SRP54: variants seen among roughly 807,000 people sequenced by gnomAD.
The protein encoded by SRP54 is signal recognition particle subunit SRP54.
A neutral mutation model predicts 64.8 loss-of-function variants in SRP54; 10 were observed. The observed-to-expected ratio is 0.15, with a 90% CI of 0.10 to 0.26. The LOEUF (loss-of-function observed/expected upper bound fraction) is 0.26. SRP54 is among the 10% of genes least tolerant of loss of function. The pLI is 1.00. For missense variants in SRP54, 325 were observed against 613.7 expected (o/e 0.53, Z 4.97); for synonymous variants, 193 against 185.6 (o/e 1.04, Z -0.32).
intron 1 of SRP54, among the ~76,000 whole-genome samples, chr14:34,983,442 A>G (rs2043840643): frequency 6.6e-6 from 1 of 152,242 alleles, no homozygotes; most frequent in African/African-American, 2.4e-5. Flanking sequence ...GAGCCAAATA[A>G]GATGTAGGCA....
At chr14:35,001,274 C>G (rs1240299431) in intron 4 of SRP54, among the ~76,000 whole-genome samples, 2 of 151,148 alleles carry the variant, frequency 1.3e-5, no homozygotes, top group Non-Finnish European at 2.9e-5. Flanking sequence ...GCCTCAGCCT[C>G]CCGAGTAGCT....
intron 13 of SRP54, among the ~76,000 whole-genome samples, chr14:35,020,048 G>A (rs1276617040): frequency 6.6e-6 from 1 of 152,072 alleles, no homozygotes; most frequent in Non-Finnish European, 1.5e-5. Context: ...AGCCGGGCGT[G>A]GTGGCACACA....
intron 1 of SRP54, among the ~76,000 whole-genome samples, chr14:34,992,384 T>A (rs1225868395): frequency 1.3e-5 from 2 of 152,148 alleles, no homozygotes; most frequent in Non-Finnish European, 1.5e-5. Context: ...TCACAGAAGT[T>A]TTTAAAATTT....
intron 4 of SRP54, among the ~76,000 whole-genome samples, chr14:35,002,183 A>T (rs1324909046): frequency 1.3e-5 from 2 of 151,954 alleles, no homozygotes; most frequent in African/African-American, 4.8e-5. Context: ...GTGTAACCCC[A>T]TCTCTGCTAA....
chr14:34,986,528 C>G (rs2043897730), intron 1 of SRP54, among the ~76,000 whole-genome samples: 1 of 152,052 alleles, frequency 6.6e-6, no homozygotes. Context: ...TTTCCCTTGA[C>G]TTAAAAAATA....
At chr14:34,997,428 C>A (rs1343345129) in intron 2 of SRP54, among the ~76,000 whole-genome samples, 1 of 152,060 alleles carries the variant, frequency 6.6e-6, no homozygotes, top group Non-Finnish European at 1.5e-5. Context: ...TATTTTGTAT[C>A]AACAATGGAA....
chr14:34,992,867 T>C (rs2044003234), intron 1 of SRP54, among the ~76,000 whole-genome samples: 2 of 152,112 alleles, frequency 1.3e-5, no homozygotes, highest in South Asian at 4.1e-4. Context: ...TATTTATTTA[T>C]TTATTTATTT....
At chr14:35,014,430 A>G (rs1353211071) in intron 10 of SRP54, among the ~76,000 whole-genome samples, 2 of 151,826 alleles carry the variant, frequency 1.3e-5, no homozygotes, top group Non-Finnish European at 2.9e-5. Flanking sequence ...GGCGTGCACC[A>G]CCAGGTCCAG....
At chr14:35,010,502 C>T (rs2044339046) in intron 7 of SRP54, among the ~76,000 whole-genome samples, 1 of 152,004 alleles carries the variant, frequency 6.6e-6, no homozygotes, top group African/African-American at 2.4e-5. Flanking sequence ...CATGATGGCT[C>T]ATGCATGTGA....
intron 9 of SRP54, 104 bp downstream of exon 9, chr14:35,013,598 G>A (rs2044389116): frequency 7.6e-7 from 1 of 1,315,626 alleles, no homozygotes; most frequent in South Asian, 1.4e-5. Flanking sequence ...TCAATAGTGA[G>A]CCTAATATGG....
intron 14 of SRP54, among the ~76,000 whole-genome samples, chr14:35,023,787 AACAC>A (rs57037784): frequency 0.01 from 1,404 of 140,342 alleles, 10 homozygotes; most frequent in African/African-American, 0.022. Flanking sequence ...CCGGTCCCCA[AACAC>A]ACACACACAC....
intron 4 of SRP54, among the ~76,000 whole-genome samples, chr14:35,003,572 GT>G (rs35642565): frequency 0.55 from 73,440 of 134,190 alleles, 19,664 homozygotes; most frequent in Non-Finnish European, 0.62. Context: ...GGTTTTTTTG[GT>G]TTTTTTTTTT....
intron 1 of SRP54, among the ~76,000 whole-genome samples, chr14:34,990,758 G>A (rs2043964057): frequency 6.6e-6 from 1 of 152,184 alleles, no homozygotes; most frequent in Admixed American, 6.5e-5. Flanking sequence ...TAAGTATCTT[G>A]TTGGAAATGC....
At chr14:35,026,059 A>G (rs2139029429) in intron 14 of SRP54, among the ~76,000 whole-genome samples, 1 of 151,580 alleles carries the variant, frequency 6.6e-6, no homozygotes, top group South Asian at 2.1e-4. Context: ...CTGTCTCAAA[A>G]AAAAAAAAAA....
chr14:35,023,117 AAAAG>A, intron 14 of SRP54, 37 bp downstream of exon 14: 6 of 1,514,554 alleles, frequency 4.0e-6, no homozygotes, highest in Non-Finnish European at 5.4e-6. Flanking sequence ...TAACAGACGG[AAAAG>A]AAAGGAAGTT....
At chr14:35,022,824 T>C in intron 13 of SRP54, 86 bp from the exon 14 acceptor site, 1 of 1,114,520 alleles carries the variant, frequency 9.0e-7, no homozygotes, top group Non-Finnish European at 1.2e-6. Context: ...TGCTAAGCTC[T>C]TTGAAGTTAT....
intron 1 of SRP54, among the ~76,000 whole-genome samples, chr14:34,985,495 C>G (rs7144646): frequency 0.19 from 29,547 of 151,978 alleles, 3,128 homozygotes; most frequent in East Asian, 0.38. Flanking sequence ...AGCCCTTAAC[C>G]CTAGTTTCTT....
At chr14:34,996,507 TAGC>T (rs2044075270) in intron 1 of SRP54, among the ~76,000 whole-genome samples, 167 bp from the exon 2 acceptor site, 1 of 152,218 alleles carries the variant, frequency 6.6e-6, no homozygotes, top group Admixed American at 6.5e-5. Context: ...CATAACCAAG[TAGC>T]AGTTTTATCT....
At position 35,016,816 on chromosome 14, in the gene SRP54, CCTGT is replaced by C. The variant is rs2044446557; in HGVS notation, c.974-1873_974-1870del. 2.7e-5 allele frequency among the ~76,000 whole-genome samples: 4 copies of C among 150,142 alleles called. No homozygotes were observed. In the South Asian group the frequency reaches 8.5e-4, roughly 32 times the overall value. ...GAATGAATGAATTTATCCTTTGTTG[CCTGT>C]CTCTTTGCCCCTTTTTTTTCTTTTC... On this transcript the variant is annotated intron_variant, in intron 11 of 15. Transcript: ENST00000216774.
Sources: allele counts gnomAD v4.1 joint callset (sites outside exome capture counted in the v4.1 genomes callset), GRCh38; gene constraint gnomAD v4.1.1; transcripts MANE v1.5; gene names NCBI Gene and HGNC (gene_info 2026-07-23, HGNC 2026-07-21).